ZNF385B: variants seen among roughly 807,000 people sequenced by gnomAD.
ZNF385B encodes zinc finger protein 385B.
In ZNF385B, 23 loss-of-function variants were observed where a neutral mutation model predicts 39.2. That is an observed-to-expected ratio of 0.59 (90% CI 0.42 to 0.83). The LOEUF is 0.83. ZNF385B is among the 40% of genes least tolerant of loss of function. ZNF385B has a pLI of 0.00. For missense variants in ZNF385B, 552 were observed against 598.9 expected, an observed-to-expected ratio of 0.92 and a Z score of 0.82; for synonymous variants, 205 against 222.6, an observed-to-expected ratio of 0.92 and a Z score of 0.70.
At chr2:179,495,435 G>A (rs1014100897) in intron 5 of ZNF385B, among the ~76,000 whole-genome samples, 10 of 152,160 alleles carry the variant, frequency 6.6e-5, no homozygotes, top group African/African-American at 1.9e-4. Context: ...GGACCTCACC[G>A]CCCTAAAGGG....
chr2:179,673,066 T>C (rs1049837504), intron 3 of ZNF385B, among the ~76,000 whole-genome samples: 27 of 152,116 alleles, frequency 1.8e-4, no homozygotes, highest in African/African-American at 6.5e-4. Flanking sequence ...TTTGGTTAGA[T>C]ATTGAGGGGA....
intron 5 of ZNF385B, among the ~76,000 whole-genome samples, chr2:179,506,323 T>C (rs760068231): frequency 6.6e-6 from 1 of 152,188 alleles, no homozygotes; most frequent in Non-Finnish European, 1.5e-5. Context: ...AGTGAGACAG[T>C]GGCAACTGTA....
intron 4 of ZNF385B, among the ~76,000 whole-genome samples, chr2:179,533,403 A>G (rs1442357261): frequency 6.6e-6 from 1 of 152,206 alleles, no homozygotes; most frequent in African/African-American, 2.4e-5. Context: ...TTTTTTATTT[A>G]GGCTGATATT....
chr2:179,493,796 TATATGTATATATAC>T (rs1559338673), intron 5 of ZNF385B, among the ~76,000 whole-genome samples: 2 of 101,118 alleles, frequency 2.0e-5, no homozygotes, highest in African/African-American at 3.4e-5. Flanking sequence ...TATGTATACA[TATATGTATATATAC>T]ATATATATAT....
rs191820751 is a variant in ZNF385B, at chr2:179,663,599, A to G, written c.298+105904T>C. Among the ~76,000 whole-genome samples, 5 of 151,142 alleles carry G rather than the reference A, an allele frequency of 3.3e-5. No homozygotes were observed. In the Admixed American group the frequency reaches 3.3e-4, roughly 10 times the overall value. On this transcript the variant is annotated intron_variant, in intron 3 of 9. Transcript: ENST00000410066. ...GTGGCGGGCGCCTGTAGTCCCAGCT[A>G]ATCGGGAGGCTGAGGTAGGAGAATG...
At chr2:179,802,998 C>T (rs1171051235) in intron 1 of ZNF385B, among the ~76,000 whole-genome samples, 3 of 152,144 alleles carry the variant, frequency 2.0e-5, no homozygotes, top group South Asian at 2.1e-4. Context: ...ATGTCACGTG[C>T]TTTAACAGTA....
intron 3 of ZNF385B, among the ~76,000 whole-genome samples, chr2:179,691,790 G>A (rs961335254): frequency 6.6e-6 from 1 of 151,908 alleles, no homozygotes; most frequent in African/African-American, 2.4e-5. Flanking sequence ...AATTATTTTT[G>A]TTTATCTGAA....
At chr2:179,806,520 G>C (rs1038025314) in intron 1 of ZNF385B, among the ~76,000 whole-genome samples, 1 of 152,118 alleles carries the variant, frequency 6.6e-6, no homozygotes, top group Non-Finnish European at 1.5e-5. Context: ...GATTAGAGCC[G>C]TTAACCTTTC....
chr2:179,519,835 G>A (rs748317779), intron 4 of ZNF385B, among the ~76,000 whole-genome samples: 15 of 152,138 alleles, frequency 9.9e-5, no homozygotes, highest in Non-Finnish European at 1.5e-4. Flanking sequence ...GAGGAGAAAT[G>A]AATACTATCT....
At chr2:179,855,727 T>G (rs557403023) in intron 1 of ZNF385B, among the ~76,000 whole-genome samples, 1 of 152,232 alleles carries the variant, frequency 6.6e-6, no homozygotes, top group South Asian at 2.1e-4. Flanking sequence ...AAGATGACCC[T>G]TAACCAATGC....
intron 6 of ZNF385B, among the ~76,000 whole-genome samples, chr2:179,457,345 T>C (rs1297415472): frequency 6.6e-6 from 1 of 152,182 alleles, no homozygotes; most frequent in Non-Finnish European, 1.5e-5. Flanking sequence ...GTACATTCTT[T>C]TAAGTGTTTT....
intron 1 of ZNF385B, among the ~76,000 whole-genome samples, chr2:179,784,243 G>A (rs1704850540): frequency 6.6e-6 from 1 of 152,054 alleles, no homozygotes; most frequent in Non-Finnish European, 1.5e-5. Context: ...AATACTGCAT[G>A]TTCTCACTTA....
chr2:179,526,716 C>T (rs1376190571), intron 4 of ZNF385B, among the ~76,000 whole-genome samples: 1 of 152,208 alleles, frequency 6.6e-6, no homozygotes, highest in Admixed American at 6.5e-5. Context: ...GCTTGCCTTG[C>T]TGACACTGCT....
chr2:179,607,867 G>A (rs552954765), intron 3 of ZNF385B, among the ~76,000 whole-genome samples: 1 of 147,364 alleles, frequency 6.8e-6, no homozygotes, highest in African/African-American at 2.5e-5. Flanking sequence ...AATTTCCCAT[G>A]TACACTATTT....
At chr2:179,811,318 T>A (rs1035942805) in intron 1 of ZNF385B, among the ~76,000 whole-genome samples, 6 of 152,144 alleles carry the variant, frequency 3.9e-5, no homozygotes, top group Non-Finnish European at 8.8e-5. Context: ...ATTAAATTCA[T>A]ATAGAACCAA....
chr2:179,496,173 G>GAAA (rs1406710319), intron 5 of ZNF385B, among the ~76,000 whole-genome samples: 1 of 152,128 alleles, frequency 6.6e-6, no homozygotes, highest in East Asian at 1.9e-4. Context: ...TTCTGGAGCT[G>GAAA]AAAAATGCAA....
At chr2:179,860,061 A>G (rs771294340) in intron 1 of ZNF385B, among the ~76,000 whole-genome samples, 37 of 152,234 alleles carry the variant, frequency 2.4e-4, no homozygotes, top group Non-Finnish European at 5.9e-5. Flanking sequence ...GCTAGGCCCT[A>G]TAACAGAAAT....
In ZNF385B at chr2:179,695,919, G is replaced by C. The variant is rs1698702211; in HGVS notation, c.298+73584C>G. 3.3e-5 allele frequency among the ~76,000 whole-genome samples: 5 copies of C among 152,334 alleles called. No homozygotes were observed. The South Asian group carries it at 8.3e-4, about 25-fold the overall frequency. On this transcript the variant is annotated intron_variant, in intron 3 of 9. Coordinates refer to ENST00000410066, the MANE Select transcript of ZNF385B (RefSeq NM_152520.6). ...TGTGGTATATGTATACAATGGAATAGTATTCAGCCATAAAAAGGAATGGTG... is the reference window on the plus strand; with the variant it reads ...TGTGGTATATGTATACAATGGAATACTATTCAGCCATAAAAAGGAATGGTG...
At chr2:179,705,598 C>T (rs1255827976) in intron 3 of ZNF385B, among the ~76,000 whole-genome samples, 1 of 152,214 alleles carries the variant, frequency 6.6e-6, no homozygotes, top group South Asian at 2.1e-4. Flanking sequence ...GAAACTTTTG[C>T]TCTTTTCTAT....
Sources: allele counts gnomAD v4.1 joint callset (sites outside exome capture counted in the v4.1 genomes callset), GRCh38; gene constraint gnomAD v4.1.1; transcripts MANE v1.5; gene names NCBI Gene and HGNC (gene_info 2026-07-23, HGNC 2026-07-21).